The following LIMK2 variants were observed in gnomAD, a reference collection of about 807,000 sequenced individuals.
The protein encoded by LIMK2 is LIM domain kinase 2.
A neutral mutation model predicts 75.7 loss-of-function variants in LIMK2; 35 were observed. The observed-to-expected ratio is 0.46, with a 90% confidence interval of 0.35 to 0.61. LIMK2 has a LOEUF of 0.61. Among genes scored for constraint, LIMK2 ranks in the 20% least tolerant of loss-of-function variants. The pLI is 0.00. For synonymous variants in LIMK2, 301 were observed against 319.2 expected (o/e 0.94, Z 0.61); for missense variants, 623 against 831.0 (o/e 0.75, Z 3.08).
intron 2 of LIMK2, among the ~76,000 whole-genome samples, chr22:31,239,125 C>T (rs1262015949): frequency 6.6e-6 from 1 of 152,224 alleles, no homozygotes; most frequent in Non-Finnish European, 1.5e-5. Context: ...TTAGTGAACA[C>T]TAGTTGGCCA....
intron 2 of LIMK2, among the ~76,000 whole-genome samples, chr22:31,246,053 G>A (rs11704391): frequency 1.3e-5 from 2 of 151,984 alleles, no homozygotes; most frequent in Non-Finnish European, 2.9e-5. Context: ...TGCGCCTGTA[G>A]TCCCAGCTAC....
At chr22:31,258,538 C>G (rs1601430249) in intron 3 of LIMK2, 112 bp downstream of exon 3, 1 of 1,068,618 alleles carries the variant, frequency 9.4e-7, no homozygotes, top group Non-Finnish European at 1.4e-6. Context: ...CAGGGCATCT[C>G]CCTTTATTTA....
At chr22:31,237,337 G>C (rs188101825) in intron 2 of LIMK2, among the ~76,000 whole-genome samples, 11 of 151,894 alleles carry the variant, frequency 7.2e-5, no homozygotes, top group African/African-American at 2.7e-4. Context: ...GTCGAGGCGG[G>C]CGGATCACCT....
rs75463542 is a variant in LIMK2 at position 31,250,996 on chromosome 22, A to G, written c.117-7295A>G. On this transcript the variant is annotated intron_variant, in intron 2 of 15. Transcript: ENST00000331728. ...ATCAGGCGTGACATGTGAGGGAGGA[A>G]GAGGGAGCAAGGGAATGAAGAATAC... Among the ~76,000 whole-genome samples, 1,472 of 152,306 alleles carry G rather than the reference A, an allele frequency of 9.7e-3. 11 individuals carry two copies. The highest frequency in any genetic ancestry group is 0.017 in the Non-Finnish European group (1,132 of 68,018).
chr22:31,261,276 A>G (rs5753528), intron 5 of LIMK2, among the ~76,000 whole-genome samples: 13,026 of 151,964 alleles, frequency 0.086, 848 homozygotes, highest in East Asian at 0.4. Flanking sequence ...GGCCAGGCGC[A>G]GTGGCTCACG....
intron 2 of LIMK2, among the ~76,000 whole-genome samples, chr22:31,226,454 C>T (rs1029293964): frequency 7.3e-5 from 2 of 27,456 alleles, no homozygotes; most frequent in African/African-American, 6.3e-4. Flanking sequence ...GCACCCACCT[C>T]GACCTCCCAA....
At chr22:31,219,316 ATAAAGTGAATG>A (rs1283403646) in intron 1 of LIMK2, among the ~76,000 whole-genome samples, 2 of 152,156 alleles carry the variant, frequency 1.3e-5, no homozygotes, top group South Asian at 2.1e-4. Context: ...AGAAGCATTC[ATAAAGTGAATG>A]TAAAGTGAAT....
intron 1 of LIMK2, among the ~76,000 whole-genome samples, chr22:31,223,105 C>T (rs1601400207): frequency 6.6e-6 from 1 of 151,900 alleles, no homozygotes; most frequent in East Asian, 1.9e-4. Context: ...GGAAAAGAAG[C>T]CAAAAATCTG....
intron 15 of LIMK2, chr22:31,277,095 C>T: frequency 6.2e-7 from 1 of 1,613,938 alleles, no homozygotes. Flanking sequence ...GCCTGCTGGA[C>T]AAGATCCGGG....
At chr22:31,250,876 C>A (rs1215866560) in intron 2 of LIMK2, among the ~76,000 whole-genome samples, 1 of 152,172 alleles carries the variant, frequency 6.6e-6, no homozygotes, top group Non-Finnish European at 1.5e-5. Flanking sequence ...AAATTAAGTT[C>A]TTGACCCTAG....
chr22:31,226,472 G>A (rs1210068431), intron 2 of LIMK2, among the ~76,000 whole-genome samples: 18 of 152,196 alleles, frequency 1.2e-4, no homozygotes, highest in African/African-American at 4.3e-4. Context: ...CAAAGTGCTG[G>A]AATCACAGGC....
intron 12 of LIMK2, 175 bp from the exon 13 acceptor site, chr22:31,272,355 G>A: frequency 2.1e-6 from 1 of 483,488 alleles, no homozygotes; most frequent in East Asian, 3.7e-5. Context: ...GATTACAGGT[G>A]GAAGCCACCG....
chr22:31,273,670 G>A (rs1007496343), intron 14 of LIMK2, among the ~76,000 whole-genome samples, 163 bp downstream of exon 14: 7 of 152,276 alleles, frequency 4.6e-5, no homozygotes, highest in Non-Finnish European at 8.8e-5. Flanking sequence ...TGCCACGTTC[G>A]TGTTTCATTG....
chr22:31,241,426 A>G (rs907325416), intron 2 of LIMK2, among the ~76,000 whole-genome samples: 1 of 152,112 alleles, frequency 6.6e-6, no homozygotes, highest in Non-Finnish European at 1.5e-5. Flanking sequence ...TTGATGACTC[A>G]CCACATAAGG....
At chr22:31,264,338 C>T (rs890629706) in intron 7 of LIMK2, among the ~76,000 whole-genome samples, 13 of 152,140 alleles carry the variant, frequency 8.5e-5, no homozygotes, top group Non-Finnish European at 1.5e-4. Context: ...ACCTGTAGGT[C>T]GGGACAAGCC....
At chr22:31,271,301 G>A in intron 12 of LIMK2, 100 bp downstream of exon 12, 2 of 1,015,506 alleles carry the variant, frequency 2.0e-6, no homozygotes, top group Non-Finnish European at 3.1e-6. Context: ...AGAGGGCAGA[G>A]GTGTTGCCTA....
At chr22:31,277,729 T>C (rs990337153) in intron 15 of LIMK2, 5 of 170,610 alleles carry the variant, frequency 2.9e-5, no homozygotes, top group African/African-American at 4.8e-5. Context: ...AGAACATAGA[T>C]TCTAGCATGG....
chr22:31,217,397 A>G (rs2048397419), intron 1 of LIMK2, among the ~76,000 whole-genome samples: 1 of 150,674 alleles, frequency 6.6e-6, no homozygotes, highest in South Asian at 2.1e-4. Flanking sequence ...ACTCCGTCTC[A>G]GAAAAAAAAA....
chr22:31,221,918 G>A (rs774114832), intron 1 of LIMK2, among the ~76,000 whole-genome samples: 4 of 152,248 alleles, frequency 2.6e-5, no homozygotes, highest in East Asian at 1.9e-4. Context: ...TGACTGAAGC[G>A]GGTCCATTGA....
Sources: gnomAD v4.1 joint callset for allele counts (sites outside exome capture counted in the v4.1 genomes callset) on GRCh38, gnomAD v4.1.1 for gene constraint, MANE v1.5 for transcripts, NCBI Gene and HGNC (gene_info 2026-07-23, HGNC 2026-07-21) for gene names.